ANKRD17: variants seen among roughly 807,000 people sequenced by gnomAD.
ANKRD17 encodes the protein ankyrin repeat domain 17.
A neutral mutation model predicts 229.7 loss-of-function variants in ANKRD17; 19 were observed. The ratio of observed to expected loss-of-function variants is 0.08; its 90% CI spans 0.06 to 0.12. ANKRD17 has a LOEUF of 0.12. Ranked by LOEUF, ANKRD17 falls within the 10% of genes least tolerant of loss-of-function variation. The pLI is 1.00. For missense variants in ANKRD17, 2,176 were observed against 3,176.8 expected, an observed-to-expected ratio of 0.68 and a Z score of 7.57; for synonymous variants, 1,112 against 1,146.1, an observed-to-expected ratio of 0.97 and a Z score of 0.60.
At chr4:73,136,587 G>A (rs1728923117) in intron 15 of ANKRD17, among the ~76,000 whole-genome samples, 1 of 151,910 alleles carries the variant, frequency 6.6e-6, no homozygotes, top group South Asian at 2.1e-4. Context: ...GAATCCTTAG[G>A]GATCCAGACC....
At chr4:73,225,285 G>GT (rs1742350073) in intron 1 of ANKRD17, among the ~76,000 whole-genome samples, 1 of 152,098 alleles carries the variant, frequency 6.6e-6, no homozygotes, top group African/African-American at 2.4e-5. Context: ...TTCAAGGAAC[G>GT]TATGCTGGAA....
intron 16 of ANKRD17, among the ~76,000 whole-genome samples, chr4:73,131,635 T>G (rs1481182736): frequency 1.3e-5 from 2 of 152,070 alleles, no homozygotes; most frequent in African/African-American, 4.8e-5. Context: ...CATAGTGCAG[T>G]GGTTAATAAA....
chr4:73,098,663 T>C, intron 25 of ANKRD17, 143 bp from the exon 26 acceptor site: 1 of 866,246 alleles, frequency 1.2e-6, no homozygotes, highest in Non-Finnish European at 1.8e-6. Flanking sequence ...TCATCGGTAA[T>C]GAGCTGGATA....
chr4:73,144,970 G>A (rs1265157680), intron 10 of ANKRD17, 138 bp from the exon 11 acceptor site: 9 of 538,746 alleles, frequency 1.7e-5, no homozygotes, highest in African/African-American at 3.9e-5. Context: ...AGCAAATTAA[G>A]AAATATACTT....
chr4:73,236,718 G>C (rs545173577), intron 1 of ANKRD17, among the ~76,000 whole-genome samples: 19 of 152,184 alleles, frequency 1.2e-4, no homozygotes, highest in Admixed American at 1.0e-3. Context: ...CCAGTAAAAT[G>C]TCAAAATAAG....
chr4:73,206,338 G>A (rs921145933), intron 1 of ANKRD17, among the ~76,000 whole-genome samples: 11 of 151,036 alleles, frequency 7.3e-5, no homozygotes, highest in African/African-American at 4.9e-5. Context: ...GGAATAAACC[G>A]GAGTATCCAT....
intron 11 of ANKRD17, 115 bp from the exon 12 acceptor site, chr4:73,142,882 C>A: frequency 8.8e-7 from 1 of 1,136,834 alleles, no homozygotes. Flanking sequence ...TCCACATACC[C>A]ATTACCGAGC....
intron 1 of ANKRD17, among the ~76,000 whole-genome samples, chr4:73,233,165 G>T (rs1435770209): frequency 1.3e-5 from 2 of 152,018 alleles, no homozygotes; most frequent in African/African-American, 4.8e-5. Context: ...ATCATTAATA[G>T]ACTTCTAGCA....
intron 1 of ANKRD17, chr4:73,223,062 T>C (rs1483223337): frequency 1.3e-6 from 2 of 1,535,438 alleles, no homozygotes; most frequent in Admixed American, 2.0e-5. Context: ...TACTGCACTA[T>C]GATTAGATCA....
At chr4:73,171,130 A>G (rs1481127094) in intron 2 of ANKRD17, among the ~76,000 whole-genome samples, 1 of 147,388 alleles carries the variant, frequency 6.8e-6, no homozygotes. Flanking sequence ...TGGTGACCAC[A>G]GGGGTACTTG....
rs573769476 is a variant in ANKRD17 at position 73,230,016 on chromosome 4, A to AT, written c.393+28259dup. ...CCACACATAAACAATTTTTATGAAC[A>AT]TAAAAAGCACTAAACAGTTTCTATC... is the stretch of plus-strand genomic sequence containing the variant. On this transcript the variant is annotated intron_variant, in intron 1 of 33. Coordinates refer to ENST00000358602, the MANE Select transcript of ANKRD17 (RefSeq NM_032217.5). 6.0e-4 allele frequency among the ~76,000 whole-genome samples: 92 copies of AT among 152,284 alleles called. 1 individual carries two copies. The South Asian group carries it at 0.015, about 24-fold the overall frequency.
At chr4:73,087,440 C>G (rs1247305421) in intron 29 of ANKRD17, among the ~76,000 whole-genome samples, 1 of 152,132 alleles carries the variant, frequency 6.6e-6, no homozygotes, top group East Asian at 1.9e-4. Context: ...ATATGATGCT[C>G]CTTCCTGAAA....
rs200537417 is a variant in ANKRD17, at chr4:73,250,729, CAG to C, written c.393+7545_393+7546del. On this transcript the variant is annotated intron_variant, in intron 1 of 33. Coordinates refer to ENST00000358602, the MANE Select transcript of ANKRD17 (RefSeq NM_032217.5). ...TTGTTGTTGTTGTTGTTGCTTGAGA[CAG>C]AGTCTCACTCTGTCGCCCAGACTGG... Among the ~76,000 whole-genome samples, 1,459 of 149,864 alleles carry C rather than the reference CAG, an allele frequency of 9.7e-3. 15 individuals are homozygous for C. Among genetic ancestry groups the C allele is most frequent in the South Asian group, 0.025 (118 of 4,702 alleles).
intron 29 of ANKRD17, among the ~76,000 whole-genome samples, chr4:73,087,565 C>A (rs192201402): frequency 6.2e-4 from 95 of 152,150 alleles, no homozygotes; most frequent in South Asian, 2.7e-3. Flanking sequence ...AGAGGGAGAC[C>A]AAAGACACAT....
At chr4:73,233,121 C>T (rs952908634) in intron 1 of ANKRD17, among the ~76,000 whole-genome samples, 3 of 152,060 alleles carry the variant, frequency 2.0e-5, no homozygotes, top group Non-Finnish European at 4.4e-5. Flanking sequence ...AGTCTTGTTA[C>T]CCTCCTGCAT....
chr4:73,212,314 A>T (rs1193643888), intron 1 of ANKRD17, among the ~76,000 whole-genome samples: 1 of 152,228 alleles, frequency 6.6e-6, no homozygotes, highest in East Asian at 1.9e-4. Flanking sequence ...AAACCCATTA[A>T]ATGTCTAGAA....
intron 1 of ANKRD17, among the ~76,000 whole-genome samples, chr4:73,249,805 G>A (rs556785230): frequency 2.3e-4 from 35 of 152,316 alleles, no homozygotes; most frequent in African/African-American, 8.2e-4. Flanking sequence ...GCAGTGAGAC[G>A]GCATGGCGCC....
chr4:73,247,773 T>C (rs960384664), intron 1 of ANKRD17, among the ~76,000 whole-genome samples: 2 of 152,088 alleles, frequency 1.3e-5, no homozygotes, highest in Non-Finnish European at 2.9e-5. Context: ...AGAAAGCTCA[T>C]CAATAAAAAT....
intron 1 of ANKRD17, among the ~76,000 whole-genome samples, chr4:73,209,749 A>T (rs571302304): frequency 6.6e-6 from 1 of 152,342 alleles, no homozygotes; most frequent in East Asian, 1.9e-4. Context: ...ACACATTGTG[A>T]CCAAGTGGAG....
Sources: gnomAD v4.1 joint callset for allele counts (sites outside exome capture counted in the v4.1 genomes callset) on GRCh38, gnomAD v4.1.1 for gene constraint, MANE v1.5 for transcripts, NCBI Gene and HGNC (gene_info 2026-07-23, HGNC 2026-07-21) for gene names.